Variants in NSF observed in about 807,000 individuals in gnomAD.
NSF encodes the protein N-ethylmaleimide sensitive factor, vesicle fusing ATPase.
Under a neutral mutation model 50.3 loss-of-function variants are expected in NSF, and 14 were observed. The ratio of observed to expected loss-of-function variants is 0.28; its 90% CI spans 0.18 to 0.44. NSF has a LOEUF of 0.44. Ranked by LOEUF, NSF falls within the 20% of genes least tolerant of loss-of-function variation. The pLI, the probability that NSF is intolerant of heterozygous loss-of-function variation, is 1.00. For synonymous variants in NSF, 109 were observed against 175.7 expected (o/e 0.62, Z 3.00); for missense variants, 218 against 504.3 (o/e 0.43, Z 5.44).
At chr17:46,739,760 G>A (rs546830840) in intron 17 of NSF, among the ~76,000 whole-genome samples, 34 of 151,204 alleles carry the variant, frequency 2.2e-4, no homozygotes, top group East Asian at 5.8e-4. Context: ...GTGCAGTGGC[G>A]CGATCTCAAC....
At chr17:46,721,780 G>GAAGGCATCGTGCACAGCTGTCAGAGT (rs2058833255) in intron 15 of NSF, 1 of 1,602,178 alleles carries the variant, frequency 6.2e-7, no homozygotes, top group African/African-American at 1.3e-5. Context: ...AGTCCTCAAG[G>GAAGGCATCGTGCACAGCTGTCAGAGT]AAGGCATCGT....
At chr17:46,726,661 C>T in intron 16 of NSF, 46 bp downstream of exon 16, 1 of 1,486,920 alleles carries the variant, frequency 6.7e-7, no homozygotes, top group Non-Finnish European at 9.4e-7. Flanking sequence ...CACATTACAG[C>T]TAATATCTCA....
intron 17 of NSF, among the ~76,000 whole-genome samples, chr17:46,733,496 C>G (rs1568052504): frequency 6.6e-6 from 1 of 152,320 alleles, no homozygotes; most frequent in East Asian, 1.9e-4. Context: ...CACTTTTGTG[C>G]ATCAAATTGG....
At chr17:46,678,688 C>T (rs1017890204) in intron 9 of NSF, among the ~76,000 whole-genome samples, 37 of 107,576 alleles carry the variant, frequency 3.4e-4, no homozygotes, top group Admixed American at 1.1e-3. Context: ...TACCAAAGAA[C>T]TCTACATATA....
At chr17:46,724,041 C>T (rs1361853430) in intron 15 of NSF, among the ~76,000 whole-genome samples, 2 of 152,196 alleles carry the variant, frequency 1.3e-5, no homozygotes, top group African/African-American at 4.8e-5. Context: ...GACACCAACA[C>T]CACTTTATTT....
intron 17 of NSF, among the ~76,000 whole-genome samples, chr17:46,739,829 G>C (rs946787299): frequency 9.2e-5 from 14 of 151,712 alleles, no homozygotes; most frequent in African/African-American, 3.4e-4. Flanking sequence ...CTCCCAAGTA[G>C]CTGGGACTAC....
At chr17:46,714,673 A>G (rs2058751484) in intron 15 of NSF, among the ~76,000 whole-genome samples, 1 of 152,204 alleles carries the variant, frequency 6.6e-6, no homozygotes, top group Non-Finnish European at 1.5e-5. Flanking sequence ...AAGACTTTAA[A>G]TGGCTGTTCC....
chr17:46,678,532 C>T (rs1001619232), intron 9 of NSF, among the ~76,000 whole-genome samples: 1 of 149,944 alleles, frequency 6.7e-6, no homozygotes, highest in African/African-American at 2.5e-5. Context: ...AGGTCTGGTG[C>T]GTGTATTTAA....
chr17:46,739,648 A>T (rs957038190), intron 17 of NSF, among the ~76,000 whole-genome samples: 30 of 152,118 alleles, frequency 2.0e-4, no homozygotes, highest in East Asian at 5.8e-4. Context: ...ACTAAAAAAA[A>T]AAATAAATTT....
At chr17:46,724,013 C>G (rs1376450840) in intron 15 of NSF, among the ~76,000 whole-genome samples, 1 of 152,172 alleles carries the variant, frequency 6.6e-6, no homozygotes, top group Non-Finnish European at 1.5e-5. Context: ...TTCATCTCAC[C>G]TACCACTCCA....
intron 13 of NSF, among the ~76,000 whole-genome samples, chr17:46,707,073 A>T (rs1347582734): frequency 1.3e-5 from 2 of 151,588 alleles, no homozygotes; most frequent in Non-Finnish European, 2.9e-5. Flanking sequence ...CTGGTCTCGA[A>T]CTCCTGACCT....
chr17:46,710,923 A>C, intron 13 of NSF, 40 bp from the exon 14 acceptor site: 1 of 1,546,412 alleles, frequency 6.5e-7, no homozygotes, highest in East Asian at 2.5e-5. Flanking sequence ...AGTTTTTAAC[A>C]CTAAGGCTCA....
chr17:46,622,390 G>A (rs1296850365), intron 1 of NSF, among the ~76,000 whole-genome samples: 9 of 150,166 alleles, frequency 6.0e-5, no homozygotes, highest in Non-Finnish European at 1.2e-4. Context: ...CCCGGGAGGC[G>A]GAGCTTGCAG....
At chr17:46,609,485 TGGAAAAGAAGTA>T (rs2057984986) in intron 1 of NSF, among the ~76,000 whole-genome samples, 1 of 151,878 alleles carries the variant, frequency 6.6e-6, no homozygotes, top group Admixed American at 6.6e-5. Context: ...ATTTGTTCTA[TGGAAAAGAAGTA>T]GGCTAGTAAT....
chr17:46,712,509 G>A (rs181872462), intron 14 of NSF, among the ~76,000 whole-genome samples: 377 of 152,306 alleles, frequency 2.5e-3, no homozygotes, highest in Middle Eastern at 0.01. Flanking sequence ...AACACTAATG[G>A]AAAGCAGATT....
chr17:46,676,210 A>G (rs1287716531), intron 9 of NSF, among the ~76,000 whole-genome samples: 2 of 146,216 alleles, frequency 1.4e-5, no homozygotes, highest in Non-Finnish European at 2.9e-5. Context: ...GAAGCTGGGA[A>G]ATCTCCTATG....
intron 14 of NSF, among the ~76,000 whole-genome samples, chr17:46,713,637 A>G (rs1246082957): frequency 6.6e-6 from 1 of 152,236 alleles, no homozygotes; most frequent in East Asian, 1.9e-4. Flanking sequence ...GTCAGGAGGC[A>G]TGTATTTCAC....
intron 19 of NSF, 81 bp from the exon 20 acceptor site, chr17:46,755,233 G>A (rs1036257809): frequency 1.2e-5 from 13 of 1,055,644 alleles, no homozygotes; most frequent in Admixed American, 5.2e-5. Flanking sequence ...GTGTGAAACC[G>A]AACACTGCCT....
chr17:46,609,814 T>G (rs1440076670), intron 1 of NSF, among the ~76,000 whole-genome samples: 3 of 140,156 alleles, frequency 2.1e-5, no homozygotes, highest in African/African-American at 7.9e-5. Context: ...TATTCTCGGG[T>G]GTCTCACTGT....
Sources: allele counts gnomAD v4.1 joint callset (sites outside exome capture counted in the v4.1 genomes callset), GRCh38; gene constraint gnomAD v4.1.1; transcripts MANE v1.5; gene names NCBI Gene and HGNC (gene_info 2026-07-23, HGNC 2026-07-21).